MYCBP2: variants seen among roughly 807,000 people sequenced by gnomAD.
MYCBP2 encodes the protein E3 ubiquitin-protein ligase MYCBP2.
In MYCBP2, 120 loss-of-function variants were observed where a neutral mutation model predicts 525.3. The observed-to-expected ratio is 0.23, with a 90% CI of 0.20 to 0.27. The LOEUF (loss-of-function observed/expected upper bound fraction) is 0.27, where lower values mean the gene tolerates loss of function less well. MYCBP2 is among the 10% of genes least tolerant of loss of function. The pLI is 1.00. For missense variants in MYCBP2, 4,149 were observed against 5,657.1 expected (o/e 0.73, Z 8.55); for synonymous variants, 1,894 against 1,955.8 (o/e 0.97, Z 0.83).
chr13:77,150,943 C>T lies in MYCBP2; in HGVS notation c.6922G>A (p.Val2308Met). ...VVHVPNMKVEVKAVPVSQKKM... is the reference protein window; with the variant it reads ...VVHVPNMKVEMKAVPVSQKKM... ...TTCTGAGAAACAGGGACAGCTTTCA[C>T]TTCCACCTAAACATGGTATTATAGA... Residue 2308 changes from valine to methionine, a missense_variant, in exon 47 of 83, where the codon GTG (valine) becomes ATG (methionine). Physicochemically the swap from Val to Met is conservative, Grantham distance 21. Transcript: ENST00000544440. 1 of 1,613,498 alleles carries T rather than the reference C, an allele frequency of 6.2e-7. No homozygotes were observed.
intron 2 of MYCBP2, among the ~76,000 whole-genome samples, chr13:77,288,954 A>G (rs2077183556): frequency 6.6e-6 from 1 of 152,206 alleles, no homozygotes; most frequent in Non-Finnish European, 1.5e-5. Context: ...AAATCATGTG[A>G]TTGGTAATTT....
intron 69 of MYCBP2, among the ~76,000 whole-genome samples, chr13:77,069,692 TAAA>T (rs752290620): frequency 2.8e-5 from 2 of 70,350 alleles, no homozygotes; most frequent in Non-Finnish European, 2.9e-5. Context: ...CCGTCTGTAC[TAAA>T]AAAAAAAAAA....
At chr13:77,224,593 C>T (rs2066007913) in intron 19 of MYCBP2, 61 bp from the exon 20 acceptor site, 9 of 1,036,030 alleles carry the variant, frequency 8.7e-6, no homozygotes, top group Non-Finnish European at 1.3e-5. Context: ...TCTATCACAA[C>T]TATACTAAAA....
Position 77,180,290 on chromosome 13 carries a change from C to G in MYCBP2, c.4970G>C (p.Ser1657Thr). Residue 1657 changes from serine to threonine, a missense_variant, in exon 34 of 83, where the codon AGC becomes ACC. Ser to Thr is a moderately conservative substitution (Grantham distance 58). This residue lies in a region of MYCBP2 where 292 missense variants were observed against 330.5 expected (regional missense o/e 0.88). Transcript: ENST00000544440. ...QSEENISGMT[S>T]FREVLEKMLV... ...CATTTTCTCCAGAACTTCACGGAAG[C>G]TTGTCATCCCTGAGATATTCTCTTC... 1 of 1,614,104 alleles carries G rather than the reference C, an allele frequency of 6.2e-7. No homozygotes were observed. The highest frequency in any genetic ancestry group is 8.5e-7 in the Non-Finnish European group (1 of 1,179,970).
In MYCBP2 at chr13:77,098,781, G is replaced by T. The variant is rs778856342; in HGVS notation, c.8373C>A (p.Asn2791Lys). Reference protein sequence around the residue: ...SDSHSRSLSPNHNTLQTLKSD... With the variant: ...SDSHSRSLSPKHNTLQTLKSD... ...ATTTCAATGTCTGCAAGGTGTTATGGTTGGGGGATAATGACCTACTGTGGG... is the reference window on the plus strand; with the variant it reads ...ATTTCAATGTCTGCAAGGTGTTATGTTTGGGGGATAATGACCTACTGTGGG... Residue 2791 changes from asparagine (N) to lysine (K), a missense_variant, in exon 56 of 83, where the codon AAC (asparagine) becomes AAA (lysine). Asn to Lys is a moderately conservative substitution (Grantham distance 94). Transcript: ENST00000544440. The T allele has an allele frequency of 4.3e-6, 7 of 1,613,440 alleles. No individual in the cohort carries two copies. The highest frequency in any genetic ancestry group is 4.2e-6 in the Non-Finnish European group (5 of 1,179,746).
Position 77,158,030 on chromosome 13 carries a change from C to T in MYCBP2, c.6677G>A (p.Gly2226Glu). The T allele has an allele frequency of 6.2e-7, 1 of 1,613,516 alleles. No individual in the cohort carries two copies. Among genetic ancestry groups the T allele is most frequent in the South Asian group, 1.1e-5 (1 of 90,996 alleles). The change falls in exon 45 of 83, where the codon GGA (glycine) becomes GAA (glutamate). Residue 2226 changes from glycine (G) to glutamate (E), a missense_variant. Physicochemically the swap from Gly to Glu is moderately conservative, Grantham distance 98. Around this residue, in one of 21 missense-constraint regions of MYCBP2, gnomAD observed 692 missense variants for 852.7 expected, o/e 0.81. Coordinates refer to ENST00000544440, the MANE Select transcript of MYCBP2 (RefSeq NM_015057.5). ...HSPTILEALE[G>E]NLPLQIQSNE... ...GCTTTGGATTTGGAGTGGTAAATTT[C>T]CCTCAAGTGCTTCTAATATAGTTGG...
intron 14 of MYCBP2, among the ~76,000 whole-genome samples, chr13:77,252,722 G>A (rs74341805): frequency 0.029 from 4,474 of 151,978 alleles, 95 homozygotes; most frequent in East Asian, 0.052. Context: ...TTGGGGTTTT[G>A]CCACTTCTAA....
At chr13:77,266,746 G>GAAAAAAAAAA (rs56408804) in intron 8 of MYCBP2, among the ~76,000 whole-genome samples, 5 of 89,416 alleles carry the variant, frequency 5.6e-5, no homozygotes, top group African/African-American at 1.8e-4. Flanking sequence ...GACTTGTAAT[G>GAAAAAAAAAA]AAAAAAAAAA....
rs1271965743 is a variant in MYCBP2, at chr13:77,125,524, C to G, written c.7885-56G>C. The stretch of plus-strand genomic sequence containing the variant: ...GCTTGATTCTTTCAGGGAACTCAGT[C>G]TGAAAACCAGTAAAAATCTTACGTG... On this transcript the variant is annotated intron_variant, in intron 53 of 82. Transcript: ENST00000544440. 20 of 1,594,318 alleles carry G rather than the reference C, an allele frequency of 1.3e-5. No individual in the cohort carries two copies. In the Admixed American group the frequency reaches 3.2e-4, roughly 26 times the overall value.
In MYCBP2 at chr13:77,131,517, AACACACACACAC is replaced by A. The variant is rs55921143; in HGVS notation, c.7660-4987_7660-4976del. On this transcript the variant is annotated intron_variant, in intron 52 of 82. Coordinates refer to ENST00000544440, the MANE Select transcript of MYCBP2 (RefSeq NM_015057.5). ...ACACACACACACACACACACAAACA[AACACACACACAC>A]ACACACACACACTTGAATAGTGTTC... 2.0e-5 allele frequency among the ~76,000 whole-genome samples: 3 copies of A among 146,598 alleles called. No homozygotes were observed. In the South Asian group the frequency reaches 6.5e-4, roughly 32 times the overall value.
chr13:77,133,161 T>A (rs898601277), intron 52 of MYCBP2, among the ~76,000 whole-genome samples: 2 of 152,160 alleles, frequency 1.3e-5, no homozygotes, highest in African/African-American at 4.8e-5. Context: ...ATGCATGGGC[T>A]TTGGAATCAT....
At chr13:77,310,067 G>A (rs756058401) in intron 1 of MYCBP2, among the ~76,000 whole-genome samples, 4 of 152,008 alleles carry the variant, frequency 2.6e-5, no homozygotes, top group Non-Finnish European at 4.4e-5. Context: ...AGCCAAGATC[G>A]CCCCACTGCA....
chr13:77,064,709 C>T lies in MYCBP2; in HGVS notation c.12578G>A (p.Arg4193Gln), dbSNP rs745636591. The T allele has an allele frequency of 8.1e-6, 13 of 1,613,576 alleles. No homozygotes were observed. Among genetic ancestry groups the T allele is most frequent in the African/African-American group, 4.0e-5 (3 of 74,872 alleles). ...AAGHLSEAWS[R>Q]VTKNAIAETI... The stretch of plus-strand genomic sequence containing the variant: ...TTCTGCAATAGCATTTTTTGTCACT[C>T]GGGACCAAGCTTCTGACAGATGACC... Residue 4193 changes from arginine to glutamine, a missense_variant, in exon 73 of 83, where the codon CGA becomes CAA. Arg to Gln is a conservative substitution (Grantham distance 43, BLOSUM62 1). This residue lies in a region of MYCBP2 where 148 missense variants were observed against 179.4 expected (regional missense o/e 0.82). Transcript: ENST00000544440.
At chr13:77,166,298 C>T (rs1394494342) in intron 41 of MYCBP2, 31 bp downstream of exon 41, 1 of 1,439,818 alleles carries the variant, frequency 6.9e-7, no homozygotes, top group African/African-American at 1.4e-5. Context: ...ACTTATTTTA[C>T]CACATAAAAC....
At chr13:77,079,754 A>G (rs1373634421) in intron 65 of MYCBP2, among the ~76,000 whole-genome samples, 1 of 152,180 alleles carries the variant, frequency 6.6e-6, no homozygotes, top group African/African-American at 2.4e-5. Context: ...CCAAATCTGA[A>G]TATCTAAAAC....
chr13:77,306,776 G>A (rs962706664), intron 1 of MYCBP2, among the ~76,000 whole-genome samples: 36 of 152,220 alleles, frequency 2.4e-4, no homozygotes, highest in Admixed American at 1.9e-3. Flanking sequence ...AGGAATGAGA[G>A]CAAGCAAATA....
At chr13:77,324,262 A>G (rs1320631027) in intron 1 of MYCBP2, among the ~76,000 whole-genome samples, 1 of 152,134 alleles carries the variant, frequency 6.6e-6, no homozygotes, top group Non-Finnish European at 1.5e-5. Context: ...TTTCTTCTTA[A>G]TTTTGATTCC....
chr13:77,244,092 A>G (rs993334010), intron 15 of MYCBP2, 141 bp from the exon 16 acceptor site: 8 of 930,462 alleles, frequency 8.6e-6, no homozygotes, highest in African/African-American at 5.1e-5. Flanking sequence ...TTAGATCACG[A>G]TTGTTCATTT....
At chr13:77,201,656 C>G (rs991157650) in intron 26 of MYCBP2, among the ~76,000 whole-genome samples, 16 of 151,070 alleles carry the variant, frequency 1.1e-4, no homozygotes, top group Non-Finnish European at 8.9e-5. Flanking sequence ...AAGCTCTCCT[C>G]AGCAAATGTA....
Sources: gnomAD v4.1 joint callset for allele counts (sites outside exome capture counted in the v4.1 genomes callset) on GRCh38, gnomAD v4.1.1 for gene constraint, gnomAD v4.1.1 regional missense constraint, MANE v1.5 for transcripts, NCBI Gene and HGNC (gene_info 2026-07-23, HGNC 2026-07-21) for gene names.